Variants in LRRC3B observed in about 807,000 individuals in gnomAD.
The protein encoded by LRRC3B is leucine-rich repeat-containing protein 3B.
A neutral mutation model predicts 12.8 loss-of-function variants in LRRC3B; 2 were observed. That is an observed-to-expected ratio of 0.16 (90% CI 0.06 to 0.49). LRRC3B has a LOEUF of 0.49. Ranked by LOEUF, LRRC3B falls within the 20% of genes least tolerant of loss-of-function variation. The pLI is 0.96. For synonymous variants in LRRC3B, 132 were observed against 122.0 expected, an observed-to-expected ratio of 1.08 and a Z score of -0.54; for missense variants, 189 against 319.4, an observed-to-expected ratio of 0.59 and a Z score of 3.11.
intron 1 of LRRC3B, among the ~76,000 whole-genome samples, chr3:26,688,059 C>T (rs1700120498): frequency 6.6e-6 from 1 of 152,112 alleles, no homozygotes; most frequent in African/African-American, 2.4e-5. Flanking sequence ...GCTCAGGTAT[C>T]CCTGGTGCAC....
intron 1 of LRRC3B, among the ~76,000 whole-genome samples, chr3:26,690,690 G>A (rs567912171): frequency 2.1e-4 from 32 of 151,924 alleles, no homozygotes; most frequent in Non-Finnish European, 3.5e-4. Context: ...TGTTCTTGGG[G>A]GTTTCCTTAC....
At chr3:26,639,340 C>G (rs1392456481) in intron 1 of LRRC3B, among the ~76,000 whole-genome samples, 1 of 151,776 alleles carries the variant, frequency 6.6e-6, no homozygotes, top group Non-Finnish European at 1.5e-5. Context: ...CACCATGTTG[C>G]ACTTTGGACA....
rs116471114 is a variant in LRRC3B, at chr3:26,689,460, C to T, written c.-160-20053C>T. Among the ~76,000 whole-genome samples the T allele has an allele frequency of 2.5e-3, 375 of 152,254 alleles. 2 individuals carry two copies. The highest frequency in any genetic ancestry group is 8.7e-3 in the African/African-American group (360 of 41,552). On this transcript the variant is annotated intron_variant, in intron 1 of 1. Coordinates refer to ENST00000396641, the Ensembl canonical transcript of LRRC3B. ...AGTGGCCATCCCTGGGTGGCTTTCC[C>T]GGAGAACAGAGGTGTCATCCTCTTC...
chr3:26,634,278 A>G (rs1313100877), intron 1 of LRRC3B, among the ~76,000 whole-genome samples: 1 of 152,218 alleles, frequency 6.6e-6, no homozygotes, highest in Non-Finnish European at 1.5e-5. Context: ...AAAGAATCAG[A>G]CAAGTGTTAG....
chr3:26,627,018 A>T lies in LRRC3B; in HGVS notation c.-161+3781A>T, dbSNP rs113010658. On this transcript the variant is annotated intron_variant, in intron 1 of 1. Transcript: ENST00000396641. ...TGACTTTTCATTAAAGTTTATGCTG[A>T]TGTAAAGCTGAGGCAAAACAATATA... 2.6e-3 allele frequency among the ~76,000 whole-genome samples: 397 copies of T among 152,320 alleles called. 1 individual carries two copies. Among genetic ancestry groups the T allele is most frequent in the African/African-American group, 9.3e-3 (386 of 41,558 alleles).
Position 26,710,738 on chromosome 3 carries a change from T to G in LRRC3B, c.*286T>G, listed in dbSNP as rs553067999. 8 of 243,978 alleles carry G rather than the reference T, an allele frequency of 3.3e-5. No homozygotes were observed. In the East Asian group the frequency reaches 6.6e-4, roughly 20 times the overall value. 15.1% of individuals were successfully genotyped at this position (243,978 alleles called of 1,614,324 possible). On this transcript the variant is annotated 3_prime_UTR_variant, in exon 2 of 2. Coordinates refer to ENST00000396641, the Ensembl canonical transcript of LRRC3B. ...TAATAATGAAATTTATTTTTTTAATTTAAAAGCAAATAAAAGCTTAACTTT... is the reference window on the plus strand; with the variant it reads ...TAATAATGAAATTTATTTTTTTAATGTAAAAGCAAATAAAAGCTTAACTTT...
intron 1 of LRRC3B, among the ~76,000 whole-genome samples, chr3:26,662,637 C>T (rs935293848): frequency 1.3e-5 from 2 of 152,054 alleles, no homozygotes; most frequent in Non-Finnish European, 2.9e-5. Flanking sequence ...TAACATTACC[C>T]TTGTTTTATT....
chr3:26,632,414 A>G (rs1698775954), intron 1 of LRRC3B, among the ~76,000 whole-genome samples: 1 of 152,182 alleles, frequency 6.6e-6, no homozygotes, highest in South Asian at 2.1e-4. Flanking sequence ...CTCAAAGTTC[A>G]AGGAAGCTGA....
rs571074594 is a variant in LRRC3B at position 26,651,146 on chromosome 3, A to C, written c.-161+27909A>C. On this transcript the variant is annotated intron_variant, in intron 1 of 1. Coordinates refer to ENST00000396641, the Ensembl canonical transcript of LRRC3B. ...GATGATCACTGAAAATCATTTTGTC[A>C]TATAGAGAATGGGTGTAGTTAAAAA... is the stretch of plus-strand genomic sequence containing the variant. Among the ~76,000 whole-genome samples, 479 of 152,252 alleles carry C rather than the reference A, an allele frequency of 3.1e-3. 2 individuals carry two copies. Among genetic ancestry groups the C allele is most frequent in the African/African-American group, 0.011 (462 of 41,508 alleles).
intron 1 of LRRC3B, among the ~76,000 whole-genome samples, chr3:26,654,941 T>C (rs1015823093): frequency 6.6e-6 from 1 of 152,228 alleles, no homozygotes; most frequent in Non-Finnish European, 1.5e-5. Flanking sequence ...CCTTATCATC[T>C]TCATAATTTT....
At chr3:26,671,740 C>A (rs763294002) in intron 1 of LRRC3B, among the ~76,000 whole-genome samples, 1 of 151,934 alleles carries the variant, frequency 6.6e-6, no homozygotes, top group Non-Finnish European at 1.5e-5. Flanking sequence ...CTCTTTTCTG[C>A]AAATGAAGAA....
chr3:26,648,917 G>T (rs529557834), intron 1 of LRRC3B, among the ~76,000 whole-genome samples: 10 of 152,278 alleles, frequency 6.6e-5, no homozygotes, highest in African/African-American at 2.4e-4. Context: ...TTCCTCCCTT[G>T]AGGCAACTCA....
intron 1 of LRRC3B, among the ~76,000 whole-genome samples, chr3:26,632,500 T>C (rs573803065): frequency 1.3e-5 from 2 of 152,260 alleles, no homozygotes; most frequent in African/African-American, 4.8e-5. Context: ...ACAGAAGCCA[T>C]ATCTGTATCT....
chr3:26,690,840 T>C (rs1259650298), intron 1 of LRRC3B, among the ~76,000 whole-genome samples: 5 of 151,964 alleles, frequency 3.3e-5, no homozygotes, highest in Non-Finnish European at 7.4e-5. Context: ...TAGTTATGTA[T>C]TGGCATAATT....
intron 1 of LRRC3B, among the ~76,000 whole-genome samples, chr3:26,675,414 C>T (rs1278300488): frequency 6.6e-6 from 1 of 152,178 alleles, no homozygotes; most frequent in Non-Finnish European, 1.5e-5. Context: ...GTGCCAACTA[C>T]CCACTGTCTT....
chr3:26,673,380 G>A (rs1055525515), intron 1 of LRRC3B, among the ~76,000 whole-genome samples: 3 of 152,174 alleles, frequency 2.0e-5, no homozygotes, highest in Non-Finnish European at 4.4e-5. Flanking sequence ...GGTATTGGGA[G>A]ATAGGTAGAT....
chr3:26,685,388 C>T (rs975493477), intron 1 of LRRC3B, among the ~76,000 whole-genome samples: 2 of 150,436 alleles, frequency 1.3e-5, no homozygotes, highest in African/African-American at 4.9e-5. Context: ...AAAATGCTAC[C>T]TATCTTACTA....
chr3:26,651,080 C>T lies in LRRC3B; in HGVS notation c.-161+27843C>T, dbSNP rs551568766. Among the ~76,000 whole-genome samples, 191 of 152,250 alleles carry T rather than the reference C, an allele frequency of 1.3e-3. 1 individual carries two copies. Among genetic ancestry groups the T allele is most frequent in the African/African-American group, 4.2e-3 (174 of 41,540 alleles). ...AAAGTAGATCATTTTGTTTGGTGAGCGCACATTTTGTATACATGAAATATA... is the reference window on the plus strand; with the variant it reads ...AAAGTAGATCATTTTGTTTGGTGAGTGCACATTTTGTATACATGAAATATA... On this transcript the variant is annotated intron_variant, in intron 1 of 1. Transcript: ENST00000396641.
intron 1 of LRRC3B, among the ~76,000 whole-genome samples, chr3:26,643,610 G>T (rs17018450): frequency 6.6e-6 from 1 of 152,014 alleles, no homozygotes; most frequent in African/African-American, 2.4e-5. Flanking sequence ...ATTCTGTGAT[G>T]CAATGTGCCT....
Sources: allele counts gnomAD v4.1 joint callset (sites outside exome capture counted in the v4.1 genomes callset), GRCh38; gene constraint gnomAD v4.1.1; transcripts MANE v1.5; gene names NCBI Gene and HGNC (gene_info 2026-07-23, HGNC 2026-07-21).